ZNF827: variants seen among roughly 807,000 people sequenced by gnomAD.
ZNF827 encodes zinc finger protein 827.
Under a neutral mutation model 102.4 loss-of-function variants are expected in ZNF827, and 13 were observed. The ratio of observed to expected loss-of-function variants is 0.13; its 90% confidence interval spans 0.08 to 0.20. The LOEUF is 0.20. Ranked by LOEUF, ZNF827 falls within the 10% of genes least tolerant of loss-of-function variation. ZNF827 has a pLI of 1.00. For synonymous variants in ZNF827, 523 were observed against 536.2 expected, an observed-to-expected ratio of 0.98 and a Z score of 0.34; for missense variants, 1,103 against 1,344.4, an observed-to-expected ratio of 0.82 and a Z score of 2.81.
At chr4:145,850,104 G>C (rs914257568) in intron 5 of ZNF827, among the ~76,000 whole-genome samples, 3 of 151,864 alleles carry the variant, frequency 2.0e-5, no homozygotes, top group African/African-American at 7.3e-5. Flanking sequence ...CCACCTCCCA[G>C]GTTTAAGAGA....
At chr4:145,922,709 C>A (rs1372118160) in intron 1 of ZNF827, among the ~76,000 whole-genome samples, 1 of 152,190 alleles carries the variant, frequency 6.6e-6, no homozygotes, top group Admixed American at 6.5e-5. Flanking sequence ...GAGTTAAGAG[C>A]CGAACTAGCC....
At chr4:145,883,290 C>T (rs1170669180) in intron 4 of ZNF827, among the ~76,000 whole-genome samples, 1 of 152,188 alleles carries the variant, frequency 6.6e-6, no homozygotes, top group African/African-American at 2.4e-5. Context: ...CATAAAATAG[C>T]CACATGGGCC....
At chr4:145,807,661 G>A (rs573312678) in intron 8 of ZNF827, among the ~76,000 whole-genome samples, 2 of 151,484 alleles carry the variant, frequency 1.3e-5, no homozygotes, top group African/African-American at 4.8e-5. Context: ...TAGTAGAGAT[G>A]GGGTTTCACC....
chr4:145,931,492 A>C (rs575441469), intron 1 of ZNF827, among the ~76,000 whole-genome samples: 1 of 152,352 alleles, frequency 6.6e-6, no homozygotes, highest in East Asian at 1.9e-4. Context: ...AAAACCTAAA[A>C]TCTATGCCTT....
chr4:145,811,402 G>A (rs1741994291), intron 8 of ZNF827, among the ~76,000 whole-genome samples: 1 of 152,182 alleles, frequency 6.6e-6, no homozygotes, highest in Non-Finnish European at 1.5e-5. Context: ...GAGATGGAAT[G>A]CAAAAGCACT....
chr4:145,850,936 A>G (rs1746467499), intron 5 of ZNF827, among the ~76,000 whole-genome samples: 1 of 152,226 alleles, frequency 6.6e-6, no homozygotes, highest in African/African-American at 2.4e-5. Context: ...AAGAATCTCA[A>G]GAAGAAATCA....
rs542830277 is a variant in ZNF827 at position 145,794,514 on chromosome 4, C to G, written c.2384-15003G>C. Among the ~76,000 whole-genome samples the G allele has an allele frequency of 3.3e-5, 5 of 152,084 alleles. No homozygotes were observed. In the South Asian group the frequency reaches 1.0e-3, roughly 32 times the overall value. Reference sequence around the variant, plus strand: ...CCAGCCTGGGCAACATGGCAAAACCCTGTCTCTACAAAAAGTACAAAAATT... The same window carrying G: ...CCAGCCTGGGCAACATGGCAAAACCGTGTCTCTACAAAAAGTACAAAAATT... On this transcript the variant is annotated intron_variant, in intron 8 of 14. Transcript: ENST00000508784.
intron 7 of ZNF827, chr4:145,839,121 T>C (rs909272646): frequency 6.6e-6 from 1 of 152,260 alleles, no homozygotes; most frequent in Non-Finnish European, 1.5e-5. Context: ...TTTTCTTCTT[T>C]GAAAAGTATA....
intron 7 of ZNF827, among the ~76,000 whole-genome samples, chr4:145,824,097 AGG>A (rs1009874221): frequency 6.6e-6 from 1 of 152,194 alleles, no homozygotes; most frequent in African/African-American, 2.4e-5. Flanking sequence ...GGCTGCCAGA[AGG>A]GACCCCAGGG....
intron 1 of ZNF827, 60 bp downstream of exon 1, chr4:145,938,305 G>GA: frequency 6.3e-7 from 1 of 1,597,592 alleles, no homozygotes; most frequent in Non-Finnish European, 8.6e-7. Flanking sequence ...CTGCGGAGGG[G>GA]AAAGAGGAGA....
chr4:145,879,871 T>C lies in ZNF827; in HGVS notation c.1747+5807A>G, dbSNP rs564752898. Among the ~76,000 whole-genome samples, 10 of 152,310 alleles carry C rather than the reference T, an allele frequency of 6.6e-5. No homozygotes were observed. The South Asian group carries it at 2.1e-3, about 32-fold the overall frequency. Reference sequence around the variant, plus strand: ...AGCCGAGTTCCTGTTTTGCTGCTTCTTTCTGTAATTTGTGGGTAGAGACAG... The same window carrying C: ...AGCCGAGTTCCTGTTTTGCTGCTTCCTTCTGTAATTTGTGGGTAGAGACAG... On this transcript the variant is annotated intron_variant, in intron 4 of 14. Coordinates refer to ENST00000508784, the MANE Select transcript of ZNF827 (RefSeq NM_001306215.2).
intron 8 of ZNF827, among the ~76,000 whole-genome samples, chr4:145,800,478 C>T (rs1368330188): frequency 2.0e-5 from 3 of 151,994 alleles, no homozygotes; most frequent in Admixed American, 6.6e-5. Context: ...CTTAGCCTCC[C>T]GAGTAGCTAA....
intron 1 of ZNF827, among the ~76,000 whole-genome samples, chr4:145,930,481 G>T (rs564441000): frequency 5.8e-4 from 89 of 152,278 alleles, no homozygotes; most frequent in African/African-American, 2.0e-3. Flanking sequence ...GTTATTTTAG[G>T]GTTTGCTTTT....
At chr4:145,809,818 C>T (rs1361348537) in intron 8 of ZNF827, among the ~76,000 whole-genome samples, 1 of 152,172 alleles carries the variant, frequency 6.6e-6, no homozygotes, top group African/African-American at 2.4e-5. Flanking sequence ...CAGCAGCACC[C>T]ATTCCCTAGC....
rs889904770 is a variant in ZNF827 at position 145,761,846 on chromosome 4, C to T, written c.*18-248G>A. Among the ~76,000 whole-genome samples, 20 of 152,284 alleles carry T rather than the reference C, an allele frequency of 1.3e-4. No homozygotes were observed. Among genetic ancestry groups the T allele is most frequent in the African/African-American group, 4.1e-4 (17 of 41,558 alleles). Reference sequence around the variant, plus strand: ...CTCAGCCTATTCTGGGTCTCTTGGCCGATACAGGCAAGGCCAGCCCTCACC... The same window carrying T: ...CTCAGCCTATTCTGGGTCTCTTGGCTGATACAGGCAAGGCCAGCCCTCACC... On this transcript the variant is annotated intron_variant, in intron 14 of 14. Transcript: ENST00000508784. This position sits in a 1 kb window ranked among gnomAD's most constrained non-coding sequence, Gnocchi z 6.8.
intron 4 of ZNF827, among the ~76,000 whole-genome samples, chr4:145,883,079 C>T (rs891818603): frequency 6.6e-6 from 1 of 150,734 alleles, no homozygotes; most frequent in Non-Finnish European, 1.5e-5. Context: ...AAAAAAAAAT[C>T]GCTCTAGAAA....
At chr4:145,833,125 A>T (rs1170552434) in intron 7 of ZNF827, 2 of 216,206 alleles carry the variant, frequency 9.3e-6, no homozygotes, top group African/African-American at 2.4e-5. Flanking sequence ...CAGACCGACC[A>T]GCCCAAGAAA....
chr4:145,936,559 T>G (rs1297520159), intron 1 of ZNF827, among the ~76,000 whole-genome samples: 4 of 152,026 alleles, frequency 2.6e-5, no homozygotes, highest in African/African-American at 9.7e-5. Context: ...TGCTTGCAAG[T>G]GCCCTTGCTC....
intron 7 of ZNF827, chr4:145,834,974 G>C (rs1047413483): frequency 6.6e-6 from 1 of 152,148 alleles, no homozygotes; most frequent in Non-Finnish European, 1.5e-5. Context: ...GAACCGCAGC[G>C]GCCAGGCGTT....
Sources: gnomAD v4.1 joint callset for allele counts (sites outside exome capture counted in the v4.1 genomes callset) on GRCh38, gnomAD v4.1.1 for gene constraint, Gnocchi (gnomAD v3.1) non-coding constraint, MANE v1.5 for transcripts, NCBI Gene and HGNC (gene_info 2026-07-23, HGNC 2026-07-21) for gene names.